ASAP1: variants seen among roughly 807,000 people sequenced by gnomAD.
ASAP1 encodes ArfGAP with SH3 domain, ankyrin repeat and PH domain 1, also known as arf-GAP with SH3 domain, ANK repeat and PH domain-containing protein 1.
In ASAP1, 43 loss-of-function variants were observed where a neutral mutation model predicts 145.2. That is an observed-to-expected ratio of 0.30 (90% CI 0.23 to 0.38). The LOEUF (loss-of-function observed/expected upper bound fraction) is 0.38, where lower values mean the gene tolerates loss of function less well. ASAP1 is among the 10% of genes least tolerant of loss of function. ASAP1 has a pLI of 1.00. For synonymous variants in ASAP1, 546 were observed against 515.5 expected (o/e 1.06, Z -0.80); for missense variants, 1,018 against 1,355.3 (o/e 0.75, Z 3.91).
rs1167290607 is a variant in ASAP1 at position 130,053,695 on chromosome 8, A to C, written c.*1036T>G. On this transcript the variant is annotated 3_prime_UTR_variant, in exon 30 of 30. Transcript: ENST00000518721. ...TTTAAAAGTTTAAATTTGTCCAAGAACAAAACTAAGAAAATAATAAAAAAT... is the reference window on the plus strand; with the variant it reads ...TTTAAAAGTTTAAATTTGTCCAAGACCAAAACTAAGAAAATAATAAAAAAT... The C allele has an allele frequency of 6.6e-6, 1 of 152,272 alleles. No individual in the cohort carries two copies. The highest frequency in any genetic ancestry group is 1.5e-5 in the Non-Finnish European group (1 of 68,048). 9.4% of individuals were successfully genotyped at this position (152,272 alleles called of 1,614,324 possible).
intron 5 of ASAP1, among the ~76,000 whole-genome samples, chr8:130,211,892 C>G (rs1423950357): frequency 6.6e-6 from 1 of 152,144 alleles, no homozygotes; most frequent in African/African-American, 2.4e-5. Flanking sequence ...CCTAAGAGAA[C>G]AGGATTTTTG....
chr8:130,259,768 G>T (rs559401837), intron 3 of ASAP1, among the ~76,000 whole-genome samples: 1 of 152,178 alleles, frequency 6.6e-6, no homozygotes, highest in East Asian at 1.9e-4. Context: ...CTTCACTTGA[G>T]AAAGAAAGTA....
intron 5 of ASAP1, chr8:130,208,764 T>C (rs1409208829): frequency 3.3e-5 from 5 of 152,204 alleles, no homozygotes; most frequent in Admixed American, 2.0e-4. Flanking sequence ...TGATGAGGAA[T>C]TCATTACATG....
Position 130,176,341 on chromosome 8 carries a change from A to G in ASAP1, c.746+2923T>C, listed in dbSNP as rs1396013253. 2.0e-5 allele frequency among the ~76,000 whole-genome samples: 3 copies of G among 152,346 alleles called. No homozygotes were observed. In the East Asian group the frequency reaches 5.8e-4, roughly 29 times the overall value. On this transcript the variant is annotated intron_variant, in intron 9 of 29. Coordinates refer to ENST00000518721, the MANE Select transcript of ASAP1 (RefSeq NM_018482.4). ...AACAGGTCCATACAATATGCCTATT[A>G]AGAGTTTTGAGGAACTGACAGAAGT...
chr8:130,111,597 G>GTACT (rs2097547038), intron 24 of ASAP1, among the ~76,000 whole-genome samples: 1 of 152,184 alleles, frequency 6.6e-6, no homozygotes, highest in Admixed American at 6.5e-5. Flanking sequence ...CATAAGGCAA[G>GTACT]TGCTCCATAA....
intron 2 of ASAP1, among the ~76,000 whole-genome samples, chr8:130,392,487 G>T (rs1309276383): frequency 6.6e-6 from 1 of 152,192 alleles, no homozygotes; most frequent in African/African-American, 2.4e-5. Flanking sequence ...CCTAATATGT[G>T]CCAAGTACTA....
At chr8:130,211,686 T>A (rs1258361736) in intron 5 of ASAP1, among the ~76,000 whole-genome samples, 3 of 152,252 alleles carry the variant, frequency 2.0e-5, no homozygotes, top group Admixed American at 1.3e-4. Context: ...TATAAACTAT[T>A]AAAATACTCT....
intron 29 of ASAP1, 46 bp from the exon 30 acceptor site, chr8:130,054,851 G>T: frequency 6.5e-7 from 1 of 1,527,076 alleles, no homozygotes; most frequent in Non-Finnish European, 9.1e-7. Flanking sequence ...AGCAGGCAGT[G>T]GCCCCACGAC....
chr8:130,236,917 C>T lies in ASAP1; in HGVS notation c.259+5G>A. The T allele has an allele frequency of 6.4e-7, 1 of 1,569,244 alleles. No homozygotes were observed. The highest frequency in any genetic ancestry group is 8.7e-7 in the Non-Finnish European group (1 of 1,150,014). ...CATGTTACCTCATTTTTAGTAAGTG[C>T]TTACCTTGACCAGAATTATATATTG... is the stretch of plus-strand genomic sequence containing the variant. On this transcript the variant is annotated splice_donor_5th_base_variant and intron_variant, in intron 4 of 29. Transcript: ENST00000518721.
intron 9 of ASAP1, among the ~76,000 whole-genome samples, chr8:130,170,116 G>C (rs12545910): frequency 6.6e-6 from 1 of 152,032 alleles, no homozygotes; most frequent in East Asian, 1.9e-4. Context: ...CATGAGGACT[G>C]TCTCATCTCC....
chr8:130,147,175 C>T (rs1467391377), intron 13 of ASAP1, among the ~76,000 whole-genome samples: 4 of 118,204 alleles, frequency 3.4e-5, no homozygotes, highest in Non-Finnish European at 4.8e-5. Flanking sequence ...GGTGCCACTG[C>T]ACTCCAAAGG....
At chr8:130,070,243 T>G (rs1254331344) in intron 27 of ASAP1, among the ~76,000 whole-genome samples, 1 of 152,164 alleles carries the variant, frequency 6.6e-6, no homozygotes, top group East Asian at 1.9e-4. Context: ...TTCACCGTGT[T>G]AGCCAGGATG....
chr8:130,064,893 A>ATG (rs34905534), intron 27 of ASAP1, among the ~76,000 whole-genome samples: 18,370 of 142,404 alleles, frequency 0.13, 1,259 homozygotes, highest in Admixed American at 0.24. Context: ...TTTACTAAGA[A>ATG]TGTGTGTGTG....
chr8:130,294,049 C>T (rs1822107926), intron 3 of ASAP1, among the ~76,000 whole-genome samples: 1 of 152,180 alleles, frequency 6.6e-6, no homozygotes, highest in South Asian at 2.1e-4. Flanking sequence ...AGGTATTATA[C>T]CCACATTTTG....
intron 1 of ASAP1, among the ~76,000 whole-genome samples, chr8:130,412,182 T>C (rs560420976): frequency 6.6e-6 from 1 of 152,208 alleles, no homozygotes; most frequent in Non-Finnish European, 1.5e-5. Context: ...ATAGAATAAA[T>C]AACAACAGGT....
At chr8:130,237,123 A>G in intron 3 of ASAP1, 129 bp from the exon 4 acceptor site, 1 of 643,944 alleles carries the variant, frequency 1.6e-6, no homozygotes, top group Non-Finnish European at 2.6e-6. Context: ...CATATTCATT[A>G]ACAATGAATC....
At chr8:130,181,007 T>C in intron 7 of ASAP1, 127 bp from the exon 8 acceptor site, 2 of 667,036 alleles carry the variant, frequency 3.0e-6, no homozygotes, top group Non-Finnish European at 4.4e-6. Context: ...ATCAGTTGTA[T>C]CAATTGTACC....
At chr8:130,390,537 G>A (rs964940979) in intron 2 of ASAP1, among the ~76,000 whole-genome samples, 4 of 152,208 alleles carry the variant, frequency 2.6e-5, no homozygotes, top group Non-Finnish European at 4.4e-5. Flanking sequence ...TTACCTGTTA[G>A]ATATCTATTT....
intron 3 of ASAP1, among the ~76,000 whole-genome samples, chr8:130,268,510 CA>C (rs1820397543): frequency 6.6e-6 from 1 of 151,228 alleles, no homozygotes; most frequent in South Asian, 2.1e-4. Flanking sequence ...CACACACACA[CA>C]CACACACACA....
Sources: allele counts gnomAD v4.1 joint callset (sites outside exome capture counted in the v4.1 genomes callset), GRCh38; gene constraint gnomAD v4.1.1; transcripts MANE v1.5; gene names NCBI Gene and HGNC (gene_info 2026-07-23, HGNC 2026-07-21).